NFIB: variants seen among roughly 807,000 people sequenced by gnomAD.
NFIB encodes nuclear factor 1 B-type.
A neutral mutation model predicts 61.5 loss-of-function variants in NFIB; 11 were observed. The observed-to-expected ratio is 0.18, with a 90% CI of 0.11 to 0.30. The LOEUF is 0.30. Ranked by LOEUF, NFIB falls within the 10% of genes least tolerant of loss-of-function variation. The probability of loss-of-function intolerance (pLI) is 1.00; values close to 1 mark genes in which losing one functional copy is unlikely to be tolerated. For synonymous variants in NFIB, 260 were observed against 216.5 expected (o/e 1.20, Z -1.76); for missense variants, 471 against 608.9 (o/e 0.77, Z 2.38).
chr9:14,110,303 T>C (rs1485334749), intron 10 of NFIB, among the ~76,000 whole-genome samples: 2 of 152,040 alleles, frequency 1.3e-5, no homozygotes, highest in Non-Finnish European at 2.9e-5. Flanking sequence ...ACATCAGTAC[T>C]TTTCATAACC....
chr9:14,084,595 T>C lies in NFIB; in HGVS notation c.*3714A>G, dbSNP rs929791539. On this transcript the variant is annotated 3_prime_UTR_variant, in exon 11 of 11. Coordinates refer to ENST00000380953, the MANE Select transcript of NFIB (RefSeq NM_001190737.2). Reference sequence around the variant, plus strand: ...CTTCAGAGGCACTGTGAGTGGTGGGTGGCAGGGCAGCACACAAAGGCTGAA... The same window carrying C: ...CTTCAGAGGCACTGTGAGTGGTGGGCGGCAGGGCAGCACACAAAGGCTGAA... 8.7e-6 allele frequency: 2 copies of C among 228,662 alleles called. No homozygotes were observed. Among genetic ancestry groups the C allele is most frequent in the African/African-American group, 4.4e-5 (2 of 44,962 alleles). The allele number at this position is 228,662 out of a possible 1,614,324, so 14.2% of individuals were successfully genotyped here.
chr9:14,155,234 C>T (rs573043183), intron 4 of NFIB, among the ~76,000 whole-genome samples: 9 of 152,204 alleles, frequency 5.9e-5, no homozygotes, highest in Admixed American at 3.9e-4. Flanking sequence ...AGGTAGCCTG[C>T]CAGGTGAGCT....
intron 2 of NFIB, among the ~76,000 whole-genome samples, chr9:14,274,223 CCT>C (rs1403753828): frequency 1.5e-5 from 2 of 135,602 alleles, no homozygotes; most frequent in Non-Finnish European, 3.2e-5. Context: ...TGCTCTACCC[CCT>C]TTCTCTCTCT....
intron 1 of NFIB, among the ~76,000 whole-genome samples, chr9:14,350,294 C>G (rs893794225): frequency 6.6e-6 from 1 of 152,184 alleles, no homozygotes; most frequent in African/African-American, 2.4e-5. Flanking sequence ...TCAGGGCAGC[C>G]TGCGAAAGTG....
the NFIB span, among the ~76,000 whole-genome samples, chr9:14,443,032 A>ACCCCCCCC: frequency 2.4e-4 from 10 of 41,260 alleles, no homozygotes; most frequent in Non-Finnish European, 3.7e-4. Flanking sequence ...CCAACCCCCC[A>ACCCCCCCC]CCCGCCCCCC....
chr9:14,252,965 G>A (rs72698792), intron 2 of NFIB, among the ~76,000 whole-genome samples: 8,760 of 142,630 alleles, frequency 0.061, 477 homozygotes, highest in East Asian at 0.26. Context: ...GAGGAAGGAA[G>A]GAAGGGAGGG....
intron 2 of NFIB, among the ~76,000 whole-genome samples, chr9:14,238,798 T>C (rs2054063285): frequency 1.3e-5 from 2 of 152,170 alleles, no homozygotes; most frequent in Admixed American, 1.3e-4. Flanking sequence ...AAGGTACAGA[T>C]AAACAGTAAC....
chr9:14,254,298 C>CAA lies in NFIB; in HGVS notation c.562+52689_562+52690dup, dbSNP rs57545740. On this transcript the variant is annotated intron_variant, in intron 2 of 10. Coordinates refer to ENST00000380953, the MANE Select transcript of NFIB (RefSeq NM_001190737.2). Reference sequence around the variant, plus strand: ...CCTGGGCAACAGAGTGACACTGTCTCAAAAAAAACAAAACAAAACAAAACA... The same window carrying CAA: ...CCTGGGCAACAGAGTGACACTGTCTCAAAAAAAAAACAAAACAAAACAAAACA... Among the ~76,000 whole-genome samples, 55 of 150,754 alleles carry CAA rather than the reference C, an allele frequency of 3.6e-4. No homozygotes were observed. In the East Asian group the frequency reaches 4.7e-3, roughly 13 times the overall value.
chr9:14,197,261 C>G (rs1465339589), intron 2 of NFIB, among the ~76,000 whole-genome samples: 1 of 152,144 alleles, frequency 6.6e-6, no homozygotes, highest in Non-Finnish European at 1.5e-5. Context: ...AGGGACGACC[C>G]TTAACCTTTC....
the NFIB span, among the ~76,000 whole-genome samples, chr9:14,440,997 G>C: frequency 3.3e-5 from 5 of 152,038 alleles, no homozygotes; most frequent in African/African-American, 9.7e-5. Context: ...TCCTGATATG[G>C]AAGATAGATA....
intron 1 of NFIB, among the ~76,000 whole-genome samples, chr9:14,390,434 G>T (rs1306122649): frequency 6.6e-6 from 1 of 152,154 alleles, no homozygotes; most frequent in Non-Finnish European, 1.5e-5. Flanking sequence ...AAAAAAAATT[G>T]ATATGTCAAA....
chr9:14,094,590 A>G (rs1252879579), intron 10 of NFIB: 1 of 152,482 alleles, frequency 6.6e-6, no homozygotes, highest in Non-Finnish European at 1.5e-5. Flanking sequence ...CCTAATGATT[A>G]TTACTATTTG....
chr9:14,475,876 A>G, the NFIB span, among the ~76,000 whole-genome samples: 1 of 152,146 alleles, frequency 6.6e-6, no homozygotes, highest in Admixed American at 6.5e-5. Context: ...CCTTTTCTTC[A>G]GCTACAATAC....
chr9:14,303,320 C>T, intron 2 of NFIB, among the ~76,000 whole-genome samples: 1 of 152,184 alleles, frequency 6.6e-6, no homozygotes, highest in East Asian at 1.9e-4. Context: ...GCACACCCTG[C>T]ATCCTATAGG....
At chr9:14,462,130 A>C in the NFIB span, among the ~76,000 whole-genome samples, 1 of 152,222 alleles carries the variant, frequency 6.6e-6, no homozygotes, top group Non-Finnish European at 1.5e-5. Flanking sequence ...TAGGTGTTTT[A>C]AATTATTTGC....
chr9:14,125,899 G>C (rs1451335362), intron 6 of NFIB, 133 bp from the exon 7 acceptor site: 3 of 1,172,684 alleles, frequency 2.6e-6, no homozygotes, highest in African/African-American at 3.1e-5. Flanking sequence ...AATATATTCT[G>C]AGTGTCAACG....
Position 14,120,673 on chromosome 9 carries a change from T to C in NFIB, c.1061-49A>G. The C allele has an allele frequency of 6.6e-7, 1 of 1,523,862 alleles. No individual in the cohort carries two copies. Among genetic ancestry groups the C allele is most frequent in the South Asian group, 1.3e-5 (1 of 76,376 alleles). 94.4% of individuals were successfully genotyped at this position (1,523,862 alleles called of 1,614,324 possible). On this transcript the variant is annotated intron_variant, in intron 7 of 10. Coordinates refer to ENST00000380953, the MANE Select transcript of NFIB (RefSeq NM_001190737.2). The surrounding 1 kb of genome is among the most constrained non-coding windows in gnomAD (Gnocchi z 4.4). Reference sequence around the variant, plus strand: ...ATTGACTCATCAGCTGGTTACCTTATTGCTCCATTCTGATCCTGAAGAATG... The same window carrying C: ...ATTGACTCATCAGCTGGTTACCTTACTGCTCCATTCTGATCCTGAAGAATG...
At chr9:14,268,145 T>A (rs976751245) in intron 2 of NFIB, among the ~76,000 whole-genome samples, 1 of 151,648 alleles carries the variant, frequency 6.6e-6, no homozygotes, top group Non-Finnish European at 1.5e-5. Context: ...AATTATATAC[T>A]GTACCCAAAA....
intron 2 of NFIB, among the ~76,000 whole-genome samples, chr9:14,239,213 C>T: frequency 6.6e-6 from 1 of 152,174 alleles, no homozygotes; most frequent in East Asian, 1.9e-4. Flanking sequence ...CACAGGAGAA[C>T]AGTAACTTAA....
Sources: allele counts gnomAD v4.1 joint callset (sites outside exome capture counted in the v4.1 genomes callset), GRCh38; gene constraint gnomAD v4.1.1; non-coding constraint Gnocchi (gnomAD v3.1); transcripts MANE v1.5; gene names NCBI Gene and HGNC (gene_info 2026-07-23, HGNC 2026-07-21).